The following BICC1 variants were observed in gnomAD, a reference collection of about 807,000 sequenced individuals.
The protein encoded by BICC1 is BicC family RNA binding protein 1.
A neutral mutation model predicts 111.0 loss-of-function variants in BICC1; 43 were observed. The ratio of observed to expected loss-of-function variants is 0.39; its 90% CI spans 0.30 to 0.50. The LOEUF (loss-of-function observed/expected upper bound fraction) is 0.50, where lower values mean the gene tolerates loss of function less well. BICC1 is among the 20% of genes least tolerant of loss of function. The pLI is 0.88. For synonymous variants in BICC1, 467 were observed against 434.4 expected (o/e 1.07, Z -0.93); for missense variants, 1,091 against 1,203.2 (o/e 0.91, Z 1.38).
chr10:58,545,240 A>G (rs1460387149), intron 1 of BICC1, among the ~76,000 whole-genome samples: 3 of 152,166 alleles, frequency 2.0e-5, no homozygotes, highest in Non-Finnish European at 2.9e-5. Flanking sequence ...TACATGTTTT[A>G]ACTTTTCATA....
At position 58,785,742 on chromosome 10, in the gene BICC1, G is replaced by A. The variant is rs60085562; in HGVS notation, c.387+662G>A. 8.5e-3 allele frequency among the ~76,000 whole-genome samples: 1,298 copies of A among 152,160 alleles called. 11 individuals carry two copies. Among genetic ancestry groups the A allele is most frequent in the African/African-American group, 0.03 (1,234 of 41,502 alleles). Reference sequence around the variant, plus strand: ...ACACTTATTAATTTGTTTGATCCTCGTAACTGACTCAGCACAAAGGTATTA... The same window carrying A: ...ACACTTATTAATTTGTTTGATCCTCATAACTGACTCAGCACAAAGGTATTA... On this transcript the variant is annotated intron_variant, in intron 4 of 20. Coordinates refer to ENST00000373886, the MANE Select transcript of BICC1 (RefSeq NM_001080512.3).
chr10:58,760,637 A>G (rs181115161), intron 3 of BICC1, among the ~76,000 whole-genome samples: 2 of 152,302 alleles, frequency 1.3e-5, no homozygotes, highest in East Asian at 3.9e-4. Context: ...ACTCATACAG[A>G]CATAAATTGA....
intron 1 of BICC1, among the ~76,000 whole-genome samples, chr10:58,550,140 G>A (rs1206605854): frequency 6.6e-6 from 1 of 151,992 alleles, no homozygotes; most frequent in Admixed American, 6.6e-5. Context: ...TCAGCCTTCT[G>A]AGTAGCTGGG....
chr10:58,684,417 T>C (rs1283356082), intron 2 of BICC1, among the ~76,000 whole-genome samples: 1 of 152,224 alleles, frequency 6.6e-6, no homozygotes, highest in Non-Finnish European at 1.5e-5. Context: ...ATTCCCTCTT[T>C]TTCTTTTGAT....
chr10:58,730,006 C>G (rs1841238564), intron 3 of BICC1, among the ~76,000 whole-genome samples: 1 of 152,166 alleles, frequency 6.6e-6, no homozygotes, highest in Admixed American at 6.5e-5. Flanking sequence ...TCATGCCTTC[C>G]CAACAGTCCC....
chr10:58,529,429 G>C, intron 1 of BICC1, among the ~76,000 whole-genome samples: 1 of 151,950 alleles, frequency 6.6e-6, no homozygotes, highest in African/African-American at 2.4e-5. Context: ...CTTATTCTGC[G>C]CAGAAGACCA....
At chr10:58,781,911 G>T (rs1481503142) in intron 3 of BICC1, among the ~76,000 whole-genome samples, 11 of 152,080 alleles carry the variant, frequency 7.2e-5, no homozygotes, top group Admixed American at 7.2e-4. Context: ...ATTTTGTCAT[G>T]TTTGTTTTTC....
At chr10:58,670,361 A>G (rs552752023) in intron 2 of BICC1, among the ~76,000 whole-genome samples, 2 of 152,274 alleles carry the variant, frequency 1.3e-5, no homozygotes, top group African/African-American at 2.4e-5. Flanking sequence ...ACAAATGTAT[A>G]TATCTATTTC....
At chr10:58,616,999 G>A (rs1038254495) in intron 1 of BICC1, among the ~76,000 whole-genome samples, 9 of 152,260 alleles carry the variant, frequency 5.9e-5, no homozygotes, top group Admixed American at 1.3e-4. Context: ...AGCCCTACGG[G>A]TAGTTGACCA....
chr10:58,611,233 C>T (rs977565007), intron 1 of BICC1, among the ~76,000 whole-genome samples: 1 of 152,098 alleles, frequency 6.6e-6, no homozygotes, highest in Non-Finnish European at 1.5e-5. Flanking sequence ...AAAAGCAATT[C>T]AAGCTATTTA....
intron 8 of BICC1, among the ~76,000 whole-genome samples, chr10:58,792,473 G>T (rs80227662): frequency 0.011 from 1,684 of 152,286 alleles, 16 homozygotes; most frequent in African/African-American, 0.018. Context: ...CACACAGCAG[G>T]AGGAAAGCAA....
intron 3 of BICC1, among the ~76,000 whole-genome samples, chr10:58,784,689 TAA>T (rs58144884): frequency 1.3e-5 from 2 of 151,742 alleles, no homozygotes; most frequent in Non-Finnish European, 2.9e-5. Flanking sequence ...ATCCAATTTA[TAA>T]AAAAAAATTA....
chr10:58,585,590 A>G (rs897388497), intron 1 of BICC1, among the ~76,000 whole-genome samples: 3 of 152,146 alleles, frequency 2.0e-5, no homozygotes, highest in African/African-American at 7.2e-5. Flanking sequence ...TACACCTCAC[A>G]GGGGACCAGT....
intron 3 of BICC1, among the ~76,000 whole-genome samples, chr10:58,781,287 T>C (rs1166340471): frequency 6.6e-6 from 1 of 152,200 alleles, no homozygotes; most frequent in Non-Finnish European, 1.5e-5. Flanking sequence ...TTAGACTCTT[T>C]CTATAGACTT....
chr10:58,750,196 A>T (rs1357371590), intron 3 of BICC1, among the ~76,000 whole-genome samples: 1 of 152,150 alleles, frequency 6.6e-6, no homozygotes, highest in African/African-American at 2.4e-5. Context: ...GAGTAGAAAA[A>T]TGGTAGCGAG....
intron 2 of BICC1, among the ~76,000 whole-genome samples, chr10:58,633,414 G>A (rs1356428933): frequency 2.6e-5 from 4 of 152,334 alleles, no homozygotes; most frequent in East Asian, 1.9e-4. Flanking sequence ...TTGCTTTGCA[G>A]CATCTGACTT....
rs192784093 is a variant in BICC1, at chr10:58,777,733, G to T, written c.308-7268G>T. 4.6e-3 allele frequency among the ~76,000 whole-genome samples: 694 copies of T among 151,568 alleles called. 7 individuals are homozygous for T. The highest frequency in any genetic ancestry group is 5.1e-3 in the Non-Finnish European group (343 of 67,868). ...CTCTGTTAAATATTAAGTTTCATTT[G>T]GAAAAAAAAAGAATCTTGATATGAA... On this transcript the variant is annotated intron_variant, in intron 3 of 20. Transcript: ENST00000373886.
chr10:58,790,545 C>T lies in BICC1; in HGVS notation c.1047+612C>T, dbSNP rs955743790. ...CTTCCCATATTTGTTTAAAACCCCTCGGCCAGGTGCGGTACCTCATGCCTG... is the reference window on the plus strand; with the variant it reads ...CTTCCCATATTTGTTTAAAACCCCTTGGCCAGGTGCGGTACCTCATGCCTG... On this transcript the variant is annotated intron_variant, in intron 8 of 20. Transcript: ENST00000373886. Among the ~76,000 whole-genome samples, 25 of 152,120 alleles carry T rather than the reference C, an allele frequency of 1.6e-4. 1 individual carries two copies. Among genetic ancestry groups the T allele is most frequent in the Non-Finnish European group, 2.9e-5 (2 of 68,002 alleles).
Position 58,768,295 on chromosome 10 carries a change from G to A in BICC1, c.308-16706G>A, listed in dbSNP as rs546197334. 1.1e-3 allele frequency among the ~76,000 whole-genome samples: 167 copies of A among 152,190 alleles called. 1 individual carries two copies. Among genetic ancestry groups the A allele is most frequent in the African/African-American group, 3.8e-3 (157 of 41,540 alleles). Reference sequence around the variant, plus strand: ...AAATCCCACGGGTCACGAAGGAGTGGGATGATATACTCAAAGTGCTGAAAG... The same window carrying A: ...AAATCCCACGGGTCACGAAGGAGTGAGATGATATACTCAAAGTGCTGAAAG... On this transcript the variant is annotated intron_variant, in intron 3 of 20. Coordinates refer to ENST00000373886, the MANE Select transcript of BICC1 (RefSeq NM_001080512.3).
Sources: allele counts gnomAD v4.1 joint callset (sites outside exome capture counted in the v4.1 genomes callset), GRCh38; gene constraint gnomAD v4.1.1; transcripts MANE v1.5; gene names NCBI Gene and HGNC (gene_info 2026-07-23, HGNC 2026-07-21).